DMD: variants seen among roughly 807,000 people sequenced by gnomAD.
The protein encoded by DMD is dystrophin.
In DMD, 63 loss-of-function variants were observed where a neutral mutation model predicts 330.1. The ratio of observed to expected loss-of-function variants is 0.19; its 90% CI spans 0.16 to 0.24. The LOEUF is 0.24. Among genes scored for constraint, DMD ranks in the 10% least tolerant of loss-of-function variants. The probability of loss-of-function intolerance (pLI) is 1.00; values close to 1 mark genes in which losing one functional copy is unlikely to be tolerated. For synonymous variants in DMD, 1,223 were observed against 959.8 expected (o/e 1.27, Z -5.07); for missense variants, 3,344 against 2,684.1 (o/e 1.25, Z -5.43).
chrX:31,438,274 T>C (rs2064684003), intron 60 of DMD, among the ~76,000 whole-genome samples: 1 of 111,528 alleles, frequency 9.0e-6, no homozygotes, highest in African/African-American at 3.3e-5. Context: ...ATATATTTTT[T>C]TAACTTTTAA....
intron 18 of DMD, among the ~76,000 whole-genome samples, chrX:32,503,401 A>C (rs1008046283): frequency 9.8e-5 from 11 of 112,199 alleles, no homozygotes; most frequent in African/African-American, 3.6e-4. Context: ...TAATATGGCA[A>C]TATCAGAAAT....
chrX:32,802,434 A>G (rs1362717986), intron 7 of DMD, among the ~76,000 whole-genome samples: 1 of 111,949 alleles, frequency 8.9e-6, no homozygotes, highest in African/African-American at 3.2e-5. Context: ...ATATACAATC[A>G]TGTCATCTGC....
At chrX:32,814,583 G>A (rs897622867) in intron 6 of DMD, among the ~76,000 whole-genome samples, 1 of 111,797 alleles carries the variant, frequency 8.9e-6, no homozygotes, top group African/African-American at 3.2e-5. Context: ...TTAAACAACT[G>A]TGAAGAACCT....
chrX:31,920,339 G>A (rs1419425812), intron 47 of DMD, among the ~76,000 whole-genome samples: 1 of 111,713 alleles, frequency 9.0e-6, no homozygotes, highest in Non-Finnish European at 1.9e-5. Flanking sequence ...AACTGGGTTA[G>A]AATTTACAAT....
chrX:32,189,556 A>C (rs1411727787), intron 44 of DMD, among the ~76,000 whole-genome samples: 1 of 111,023 alleles, frequency 9.0e-6, no homozygotes, highest in Non-Finnish European at 1.9e-5. Context: ...CTGCCCCATT[A>C]CAGAAGAAAA....
chrX:32,936,406 C>T (rs2090025228), intron 2 of DMD, among the ~76,000 whole-genome samples: 2 of 111,891 alleles, frequency 1.8e-5, no homozygotes, highest in African/African-American at 6.5e-5. Context: ...GCCACCGCGC[C>T]CAGCTTACTT....
chrX:31,805,607 G>A (rs997198256), intron 50 of DMD, among the ~76,000 whole-genome samples: 4 of 111,666 alleles, frequency 3.6e-5, no homozygotes, highest in African/African-American at 9.7e-5. Flanking sequence ...TTTTAGGCTC[G>A]AGTCCTTTTA....
intron 26 of DMD, among the ~76,000 whole-genome samples, chrX:32,452,723 C>A (rs186703691): frequency 9.1e-6 from 1 of 110,440 alleles, no homozygotes; most frequent in African/African-American, 3.3e-5. Flanking sequence ...GGTGACCTCC[C>A]CAAAGTCAAA....
At chrX:32,084,743 A>G (rs760976749) in intron 44 of DMD, among the ~76,000 whole-genome samples, 1 of 111,495 alleles carries the variant, frequency 9.0e-6, no homozygotes, top group East Asian at 2.8e-4. Flanking sequence ...TGAGGACAAC[A>G]GACCTGCTAT....
chrX:32,994,019 A>G (rs2093050062), intron 2 of DMD, among the ~76,000 whole-genome samples: 1 of 110,403 alleles, frequency 9.1e-6, no homozygotes, highest in African/African-American at 3.3e-5. Flanking sequence ...ATGATTGGAG[A>G]ACAAAAGGGT....
chrX:31,212,448 G>A (rs915717258), intron 64 of DMD, among the ~76,000 whole-genome samples: 32 of 109,606 alleles, frequency 2.9e-4, no homozygotes, highest in Non-Finnish European at 5.7e-4. Flanking sequence ...AGCAGACAGT[G>A]GCGGTTGGGG....
chrX:33,138,816 C>G (rs1224354353), intron 1 of DMD, among the ~76,000 whole-genome samples: 4 of 110,876 alleles, frequency 3.6e-5, no homozygotes, highest in African/African-American at 6.6e-5. Flanking sequence ...TGGCTTCTGG[C>G]GTGGGTTTGT....
intron 30 of DMD, among the ~76,000 whole-genome samples, chrX:32,394,916 C>CAAAAA (rs72234458): frequency 1.5e-4 from 6 of 39,028 alleles, no homozygotes; most frequent in African/African-American, 2.4e-4. Flanking sequence ...AACAAAAAAA[C>CAAAAA]AAAAAAAAAA....
At chrX:32,370,527 A>G (rs929676225) in intron 34 of DMD, among the ~76,000 whole-genome samples, 2 of 111,355 alleles carry the variant, frequency 1.8e-5, no homozygotes, top group Non-Finnish European at 3.8e-5. Flanking sequence ...TGAACTGAAC[A>G]GAAATAACAG....
chrX:32,036,143 A>G (rs915225398), intron 44 of DMD, among the ~76,000 whole-genome samples: 3 of 111,937 alleles, frequency 2.7e-5, no homozygotes, highest in Non-Finnish European at 5.6e-5. Context: ...AAGAACAAAT[A>G]AGAATTACTG....
intron 30 of DMD, among the ~76,000 whole-genome samples, chrX:32,399,317 A>T (rs1348404203): frequency 8.9e-6 from 1 of 111,842 alleles, no homozygotes; most frequent in African/African-American, 3.2e-5. Flanking sequence ...AATGGGAGAA[A>T]ATATTTCCAA....
intron 44 of DMD, among the ~76,000 whole-genome samples, chrX:32,158,094 T>C (rs398124017): frequency 1.2e-4 from 14 of 112,062 alleles, no homozygotes; most frequent in South Asian, 3.7e-4. Flanking sequence ...TGAGAGCCTC[T>C]TGGCTCAACT....
intron 37 of DMD, among the ~76,000 whole-genome samples, chrX:32,361,485 G>T (rs1011894397): frequency 9.0e-6 from 1 of 111,710 alleles, no homozygotes. Flanking sequence ...GAACTAAGTA[G>T]TTAACTATTA....
chrX:32,034,644 T>C (rs1465374271), intron 44 of DMD, among the ~76,000 whole-genome samples: 3 of 111,610 alleles, frequency 2.7e-5, no homozygotes, highest in Non-Finnish European at 5.7e-5. Flanking sequence ...TAAGATCTAA[T>C]ACAGTTTCAT....
Sources: allele counts gnomAD v4.1 joint callset (sites outside exome capture counted in the v4.1 genomes callset), GRCh38; gene constraint gnomAD v4.1.1; transcripts MANE v1.5; gene names NCBI Gene and HGNC (gene_info 2026-07-23, HGNC 2026-07-21).